Variants in CD36 observed in about 807,000 individuals in gnomAD.
CD36 encodes the protein platelet glycoprotein 4.
In CD36, 119 loss-of-function variants were observed where a neutral mutation model predicts 55.2. The observed-to-expected ratio is 2.15, with a 90% CI of 1.86 to 2.51. CD36 has a LOEUF of 2.51. Among genes scored for constraint, CD36 ranks in the 30% most tolerant of loss-of-function variants. The pLI is 0.00. For missense variants in CD36, 819 were observed against 555.5 expected (o/e 1.47, Z -4.77); for synonymous variants, 186 against 193.6 (o/e 0.96, Z 0.33).
chr7:80,649,114 T>C (rs1054905823), intron 3 of CD36, among the ~76,000 whole-genome samples: 1 of 152,152 alleles, frequency 6.6e-6, no homozygotes, highest in African/African-American at 2.4e-5. Flanking sequence ...TAACATTTAA[T>C]TCTTACTAAG....
At chr7:80,664,783 T>C (rs896434319) in intron 7 of CD36, among the ~76,000 whole-genome samples, 1 of 151,636 alleles carries the variant, frequency 6.6e-6, no homozygotes, top group African/African-American at 2.4e-5. Context: ...GACTATTTTT[T>C]CATCTCTGCT....
At position 80,626,396 on chromosome 7, in the gene CD36, A is replaced by G. The variant is rs375203848; in HGVS notation, c.-183-19692A>G. ...TTCTGAATGTATTTTTAGATTTCCA[A>G]TTTACACTGTCTGCCGGTTACCAGG... On this transcript the variant is annotated intron_variant, in intron 1 of 13. Transcript: ENST00000309881. Among the ~76,000 whole-genome samples, 8 of 152,230 alleles carry G rather than the reference A, an allele frequency of 5.3e-5. No individual in the cohort carries two copies. In the East Asian group the frequency reaches 7.7e-4, roughly 15 times the overall value.
At chr7:80,660,149 G>GAT (rs1328871013) in intron 4 of CD36, among the ~76,000 whole-genome samples, 1 of 152,080 alleles carries the variant, frequency 6.6e-6, no homozygotes, top group Non-Finnish European at 1.5e-5. Context: ...GTGCAATTAT[G>GAT]ATATATATCT....
At chr7:80,650,396 T>C (rs995924879) in intron 3 of CD36, among the ~76,000 whole-genome samples, 1 of 152,052 alleles carries the variant, frequency 6.6e-6, no homozygotes, top group Admixed American at 6.5e-5. Flanking sequence ...TTTTAAATGA[T>C]ATTGGCGTAT....
chr7:80,664,922 G>A (rs3211910), intron 7 of CD36, among the ~76,000 whole-genome samples: 2,003 of 149,852 alleles, frequency 0.013, 53 homozygotes, highest in African/African-American at 0.046. Context: ...TTTTTAAATC[G>A]AGCATATCGA....
intron 10 of CD36, 128 bp from the exon 11 acceptor site, chr7:80,671,794 C>A (rs1797696243): frequency 3.9e-6 from 3 of 761,736 alleles, no homozygotes; most frequent in Non-Finnish European, 6.7e-6. Context: ...CATAATTCTT[C>A]CCCACCCATG....
At chr7:80,635,959 A>G (rs1794370496), upstream of CD36, among the ~76,000 whole-genome samples, 1 of 152,108 alleles carries the variant, frequency 6.6e-6, no homozygotes, top group South Asian at 2.1e-4. Flanking sequence ...TTCAGTGGTG[A>G]ATTAAACAGA....
intron 2 of CD36, 96 bp downstream of exon 2, chr7:80,646,277 G>A (rs1053517428): frequency 1.0e-5 from 2 of 193,654 alleles, no homozygotes; most frequent in Non-Finnish European, 2.2e-5. Context: ...AGCTCCAGAA[G>A]GGGTGTGGAA....
intron 1 of CD36, among the ~76,000 whole-genome samples, chr7:80,644,385 C>G (rs1220186722): frequency 6.6e-6 from 1 of 151,118 alleles, no homozygotes. Context: ...ACTAGTCAGT[C>G]TTCTTAATCA....
intron 1 of CD36, among the ~76,000 whole-genome samples, chr7:80,608,094 AT>A (rs1364795966): frequency 1.3e-5 from 2 of 152,134 alleles, no homozygotes; most frequent in African/African-American, 4.8e-5. Context: ...CAAGATGTAC[AT>A]TTTTATGTTC....
chr7:80,678,080 G>GGTGT lies in CD36; in HGVS notation c.*1697_*1698insGTGT, dbSNP rs1189404236. On this transcript the variant is annotated 3_prime_UTR_variant, in exon 15 of 15. Coordinates refer to ENST00000447544, the MANE Select transcript of CD36 (RefSeq NM_001001548.3). ...TTTTTTACATGAAATCTGGGCTTTGGATGTGTGTGTGTGTGTGTGTGTGTG... is the reference window on the plus strand; with the variant it reads ...TTTTTTACATGAAATCTGGGCTTTGGGTGTATGTGTGTGTGTGTGTGTGTGTGTG... The GGTGT allele has an allele frequency of 1.4e-5, 1 of 69,400 alleles. No homozygotes were observed. Among genetic ancestry groups the GGTGT allele is most frequent in the African/African-American group, 4.7e-5 (1 of 21,368 alleles). The allele number at this position is 69,400 out of a possible 1,614,324, so 4.3% of individuals were successfully genotyped here.
Position 80,661,043 on chromosome 7 carries a change from GT to G in CD36, c.282-17del, listed in dbSNP as rs1293158190. On this transcript the variant is annotated intron_variant, in intron 4 of 14. Coordinates refer to ENST00000447544, the MANE Select transcript of CD36 (RefSeq NM_001001548.3). ...ACATATGACAAATGTTTTGAATTTT[GT>G]TTACTGCTATTTCTTTAGAGTTCGT... is the stretch of plus-strand genomic sequence containing the variant. 3.8e-6 allele frequency: 6 copies of G among 1,585,386 alleles called. No homozygotes were observed. Among genetic ancestry groups the G allele is most frequent in the African/African-American group, 2.7e-5 (2 of 74,442 alleles).
chr7:80,671,551 T>G (rs1005216557), intron 10 of CD36, among the ~76,000 whole-genome samples: 1 of 152,090 alleles, frequency 6.6e-6, no homozygotes, highest in African/African-American at 2.4e-5. Context: ...CTAACTTTTT[T>G]CACTAGAAAA....
chr7:80,614,608 G>A (rs1025787711), intron 1 of CD36, among the ~76,000 whole-genome samples: 4 of 151,782 alleles, frequency 2.6e-5, no homozygotes, highest in Middle Eastern at 6.8e-3. Flanking sequence ...CTTCTTCTTC[G>A]CGGCTCCATC....
intron 1 of CD36, among the ~76,000 whole-genome samples, chr7:80,617,418 T>C (rs2115853828): frequency 6.6e-6 from 1 of 152,160 alleles, no homozygotes; most frequent in South Asian, 2.1e-4. Context: ...CTCAAAATAA[T>C]TTTTAAAAAG....
At chr7:80,608,338 A>G (rs1337989492) in intron 1 of CD36, among the ~76,000 whole-genome samples, 1 of 152,194 alleles carries the variant, frequency 6.6e-6, no homozygotes, top group Admixed American at 6.5e-5. Context: ...CATACTCTCT[A>G]GTGTTAGACT....
chr7:80,670,047 T>C (rs773207606), intron 9 of CD36, 25 bp downstream of exon 9: 3 of 1,435,898 alleles, frequency 2.1e-6, no homozygotes, highest in South Asian at 2.3e-5. Flanking sequence ...GAAGTATAAG[T>C]ATGTCTGAGT....
upstream of CD36, among the ~76,000 whole-genome samples, chr7:80,636,148 C>T (rs536466991): frequency 5.3e-5 from 8 of 152,052 alleles, no homozygotes; most frequent in Admixed American, 4.6e-4. Flanking sequence ...TGATAAGTGA[C>T]CTGTGGAAAA....
chr7:80,647,009 A>AT (rs1359924717), intron 3 of CD36, 149 bp downstream of exon 3: 21 of 788,786 alleles, frequency 2.7e-5, no homozygotes, highest in Non-Finnish European at 4.0e-5. Context: ...GCAACTCTAT[A>AT]TGATGCGACT....
Sources: allele counts gnomAD v4.1 joint callset (sites outside exome capture counted in the v4.1 genomes callset), GRCh38; gene constraint gnomAD v4.1.1; transcripts MANE v1.5; gene names NCBI Gene and HGNC (gene_info 2026-07-23, HGNC 2026-07-21).